Variants in ZNF705A observed in about 807,000 individuals in gnomAD.
ZNF705A encodes the protein zinc finger protein 705A.
ZNF705A carries 8 observed loss-of-function variants against 16.6 expected under a neutral mutation model. The observed-to-expected ratio is 0.48, with a 90% CI of 0.28 to 0.87. ZNF705A has a LOEUF of 0.87. Ranked by LOEUF, ZNF705A falls within the 40% of genes least tolerant of loss-of-function variation. The pLI is 0.10. For synonymous variants in ZNF705A, 73 were observed against 117.3 expected, an observed-to-expected ratio of 0.62 and a Z score of 2.44; for missense variants, 233 against 359.9, an observed-to-expected ratio of 0.65 and a Z score of 2.85.
At chr12:8,160,024 T>C (rs1948341042) in intron 1 of ZNF705A, among the ~76,000 whole-genome samples, 1 of 152,208 alleles carries the variant, frequency 6.6e-6, no homozygotes, top group South Asian at 2.1e-4. Context: ...GGGGATCTAG[T>C]TTCATTCTCC....
chr12:8,159,204 T>C (rs1249922704), intron 1 of ZNF705A, among the ~76,000 whole-genome samples: 1 of 152,204 alleles, frequency 6.6e-6, no homozygotes, highest in Non-Finnish European at 1.5e-5. Context: ...ATTTTCTTTA[T>C]CCACTTGTTG....
intron 1 of ZNF705A, among the ~76,000 whole-genome samples, chr12:8,159,543 A>C (rs1000148053): frequency 3.9e-5 from 6 of 151,988 alleles, no homozygotes; most frequent in Admixed American, 1.3e-4. Flanking sequence ...TTTGATTTGC[A>C]TTTCCCTGAT....
intron 4 of ZNF705A, among the ~76,000 whole-genome samples, chr12:8,176,597 G>A (rs1591626116): frequency 6.6e-6 from 1 of 152,196 alleles, no homozygotes; most frequent in African/African-American, 2.4e-5. Flanking sequence ...ATTGGGCAGG[G>A]AAACAATCAG....
chr12:8,177,308 A>C (rs779923254), exon 5 of ZNF705A: 2 of 1,611,834 alleles, frequency 1.2e-6, no homozygotes, highest in East Asian at 4.5e-5. Context: ...AAAAGCCTTC[A>C]CTCAGTGTTC....
At chr12:8,168,680 A>T (rs140098305), upstream of ZNF705A, among the ~76,000 whole-genome samples, 2,977 of 152,326 alleles carry the variant, frequency 0.02, 104 homozygotes, top group African/African-American at 0.069. Flanking sequence ...CTGTAACTAC[A>T]TATGTGTGGT....
exon 5 of ZNF705A, chr12:8,177,117 G>A (rs777937879): frequency 6.2e-7 from 1 of 1,611,888 alleles, no homozygotes; most frequent in African/African-American, 1.3e-5. Context: ...CCCTATGTCA[G>A]CAAACAGTGT....
At chr12:8,157,021 TC>T (rs981530633), upstream of ZNF705A, 25 of 397,906 alleles carry the variant, frequency 6.3e-5, no homozygotes, top group Middle Eastern at 6.2e-4. Context: ...CAGTGACTCG[TC>T]AAAAATCTGC....
At chr12:8,160,804 G>A (rs1159716049) in intron 1 of ZNF705A, among the ~76,000 whole-genome samples, 1 of 152,042 alleles carries the variant, frequency 6.6e-6, no homozygotes, top group Non-Finnish European at 1.5e-5. Flanking sequence ...TTACTGATTT[G>A]GATGCCCTTT....
At chr12:8,178,099 A>G (rs1486833317) in exon 5 of ZNF705A, 1 of 163,804 alleles carries the variant, frequency 6.1e-6, no homozygotes, top group Non-Finnish European at 1.4e-5. Context: ...TTTATTGTCA[A>G]ATAACATGAG....
intron 1 of ZNF705A, among the ~76,000 whole-genome samples, chr12:8,162,037 T>G (rs1948360249): frequency 6.6e-6 from 1 of 152,176 alleles, no homozygotes; most frequent in African/African-American, 2.4e-5. Flanking sequence ...TAGAAAAAGT[T>G]GATTTAGCCC....
upstream of ZNF705A, among the ~76,000 whole-genome samples, chr12:8,171,519 A>T (rs756579960): frequency 9.2e-5 from 14 of 152,300 alleles, no homozygotes; most frequent in South Asian, 2.9e-3. Flanking sequence ...CACGTTAGTA[A>T]AATATCAGAT....
intron 2 of ZNF705A, among the ~76,000 whole-genome samples, chr12:8,174,830 A>G (rs763020816): frequency 6.6e-6 from 1 of 152,020 alleles, no homozygotes; most frequent in African/African-American, 2.4e-5. Context: ...AAACAATAGC[A>G]ATATCTTTTC....
At chr12:8,175,401 G>A (rs1230425739) in intron 3 of ZNF705A, 78 bp downstream of exon 4, 4 of 1,100,816 alleles carry the variant, frequency 3.6e-6, no homozygotes, top group East Asian at 4.9e-5. Flanking sequence ...TTAATTAGTG[G>A]TTTTATTAAA....
At chr12:8,176,044 T>C in intron 4 of ZNF705A, 102 bp downstream of exon 5, 2 of 1,564,494 alleles carry the variant, frequency 1.3e-6, no homozygotes, top group South Asian at 2.4e-5. Context: ...TAGGCTGGCA[T>C]TAAGTGCTTT....
chr12:8,159,067 G>T (rs1948332641), intron 1 of ZNF705A, among the ~76,000 whole-genome samples: 1 of 152,094 alleles, frequency 6.6e-6, no homozygotes, highest in Admixed American at 6.6e-5. Flanking sequence ...ATGATGTTTA[G>T]TTTTCCATTC....
chr12:8,179,836 T>C (rs1002152633), exon 5 of ZNF705A: 3 of 152,204 alleles, frequency 2.0e-5, no homozygotes, highest in Non-Finnish European at 4.4e-5. Context: ...CTGAGCCACA[T>C]TGAGATGTAC....
chr12:8,166,866 G>A (rs1383040127), intron 1 of ZNF705A, among the ~76,000 whole-genome samples: 2 of 152,348 alleles, frequency 1.3e-5, no homozygotes, highest in Non-Finnish European at 2.9e-5. Context: ...AGGCCTCCAG[G>A]CCTTTGAGGG....
At chr12:8,172,342 A>G (rs1333047687), upstream of ZNF705A, among the ~76,000 whole-genome samples, 2 of 151,846 alleles carry the variant, frequency 1.3e-5, no homozygotes, top group East Asian at 1.9e-4. Flanking sequence ...TCTCATTCAC[A>G]AGATATCTGT....
exon 4 of ZNF705A, chr12:8,175,922 G>T (rs758150603): frequency 3.1e-6 from 5 of 1,611,408 alleles, no homozygotes; most frequent in African/African-American, 2.7e-5. Flanking sequence ...CAGAAAAGAC[G>T]CATCCACCAG....
Sources: gnomAD v4.1 joint callset for allele counts (sites outside exome capture counted in the v4.1 genomes callset) on GRCh38, gnomAD v4.1.1 for gene constraint, MANE v1.5 for transcripts, NCBI Gene and HGNC (gene_info 2026-07-23, HGNC 2026-07-21) for gene names.